CTNNA3: variants seen among roughly 807,000 people sequenced by gnomAD.
CTNNA3 encodes the protein catenin alpha 3.
A neutral mutation model predicts 95.7 loss-of-function variants in CTNNA3; 76 were observed. That is an observed-to-expected ratio of 0.79 (90% CI 0.66 to 0.96). CTNNA3 has a LOEUF of 0.96. Among genes scored for constraint, CTNNA3 ranks in the 40% least tolerant of loss-of-function variants. The probability of loss-of-function intolerance (pLI) is 0.00; values close to 1 mark genes in which losing one functional copy is unlikely to be tolerated. For synonymous variants in CTNNA3, 431 were observed against 374.4 expected, an observed-to-expected ratio of 1.15 and a Z score of -1.74; for missense variants, 1,191 against 1,089.8, an observed-to-expected ratio of 1.09 and a Z score of -1.31.
intron 9 of CTNNA3, among the ~76,000 whole-genome samples, chr10:66,642,173 C>T (rs192481655): frequency 1.7e-4 from 25 of 151,320 alleles, no homozygotes; most frequent in Non-Finnish European, 3.4e-4. Context: ...AGTTAAACTG[C>T]CACAGCCTGA....
chr10:66,989,314 C>T (rs1850909748), intron 7 of CTNNA3, among the ~76,000 whole-genome samples: 1 of 152,090 alleles, frequency 6.6e-6, no homozygotes, highest in African/African-American at 2.4e-5. Context: ...TAATATATGT[C>T]AACTTATTCC....
chr10:67,367,407 A>G (rs762402690), intron 5 of CTNNA3, among the ~76,000 whole-genome samples: 3 of 151,496 alleles, frequency 2.0e-5, no homozygotes, highest in Non-Finnish European at 4.4e-5. Flanking sequence ...TAAAAAGTCA[A>G]AAAAAAAACA....
intron 3 of CTNNA3, among the ~76,000 whole-genome samples, chr10:67,562,651 G>T (rs554209083): frequency 6.6e-6 from 1 of 152,076 alleles, no homozygotes; most frequent in Non-Finnish European, 1.5e-5. Flanking sequence ...CAATCAGGCA[G>T]GAGAAGTAAA....
At chr10:67,065,516 C>A (rs1856021560) in intron 7 of CTNNA3, among the ~76,000 whole-genome samples, 1 of 152,012 alleles carries the variant, frequency 6.6e-6, no homozygotes, top group African/African-American at 2.4e-5. Flanking sequence ...ACATCTGTTC[C>A]ATCTTCTTCC....
intron 13 of CTNNA3, among the ~76,000 whole-genome samples, chr10:66,178,399 G>GTATATATATA (rs71035113): frequency 9.9e-5 from 9 of 91,174 alleles, no homozygotes; most frequent in African/African-American, 1.8e-4. Context: ...CCTTGAAAGT[G>GTATATATATA]TATATATATA....
chr10:66,617,402 C>G (rs1045313040), intron 10 of CTNNA3, among the ~76,000 whole-genome samples: 1 of 151,824 alleles, frequency 6.6e-6, no homozygotes, highest in Admixed American at 6.6e-5. Flanking sequence ...AAGGCTGGTT[C>G]AATATACGCA....
chr10:66,266,104 G>A (rs1443952477), intron 13 of CTNNA3, among the ~76,000 whole-genome samples: 1 of 149,012 alleles, frequency 6.7e-6, no homozygotes, highest in East Asian at 2.0e-4. Flanking sequence ...AGAAAGAGAG[G>A]GAGGAAGGAA....
intron 5 of CTNNA3, among the ~76,000 whole-genome samples, chr10:67,337,284 T>C (rs938455875): frequency 1.2e-4 from 18 of 152,190 alleles, no homozygotes; most frequent in African/African-American, 4.1e-4. Flanking sequence ...AAGACTTCAA[T>C]GGCAGAAGTA....
chr10:67,558,175 G>A (rs1841327260), intron 3 of CTNNA3, among the ~76,000 whole-genome samples: 1 of 152,144 alleles, frequency 6.6e-6, no homozygotes, highest in South Asian at 2.1e-4. Flanking sequence ...CTGAGTCATA[G>A]TCCCAGATGC....
chr10:65,929,620 G>C (rs976166609), intron 17 of CTNNA3, among the ~76,000 whole-genome samples: 1 of 150,300 alleles, frequency 6.7e-6, no homozygotes, highest in Non-Finnish European at 1.5e-5. Context: ...CTAGGCTGGA[G>C]TACAGTGGCG....
At chr10:66,050,206 G>A (rs1161747456) in intron 15 of CTNNA3, among the ~76,000 whole-genome samples, 1 of 151,596 alleles carries the variant, frequency 6.6e-6, no homozygotes, top group Non-Finnish European at 1.5e-5. Context: ...ATATTCTCCT[G>A]AACCCTAGCT....
chr10:67,742,561 A>T (rs941354956), intron 1 of CTNNA3, among the ~76,000 whole-genome samples: 36 of 151,222 alleles, frequency 2.4e-4, no homozygotes, highest in African/African-American at 8.5e-4. Context: ...AAAGATCTAA[A>T]ATTGACACCC....
chr10:66,925,794 G>A (rs996914343), intron 7 of CTNNA3: 1 of 318,216 alleles, frequency 3.1e-6, no homozygotes, highest in African/African-American at 2.2e-5. Context: ...CAATTAAGTG[G>A]ACACAGACAA....
chr10:67,612,739 C>A (rs771089934), intron 2 of CTNNA3, among the ~76,000 whole-genome samples: 11 of 152,266 alleles, frequency 7.2e-5, no homozygotes, highest in Admixed American at 2.6e-4. Flanking sequence ...GTGGCTAACA[C>A]CTCTAACCTG....
intron 11 of CTNNA3, among the ~76,000 whole-genome samples, chr10:66,447,250 C>G (rs116306002): frequency 0.12 from 17,736 of 151,990 alleles, 1,497 homozygotes; most frequent in African/African-American, 0.24. Context: ...GCCATACTGG[C>G]CAGGTAATTT....
intron 7 of CTNNA3, among the ~76,000 whole-genome samples, chr10:66,859,036 T>C (rs1843797191): frequency 6.6e-6 from 1 of 152,074 alleles, no homozygotes; most frequent in Admixed American, 6.6e-5. Flanking sequence ...AATAACATTT[T>C]GTGGGGTGAT....
chr10:67,120,377 T>G (rs989510073), intron 7 of CTNNA3, among the ~76,000 whole-genome samples: 1 of 151,918 alleles, frequency 6.6e-6, no homozygotes, highest in Admixed American at 6.6e-5. Flanking sequence ...TGAAGCAAGA[T>G]ATATATATTG....
At chr10:66,011,796 C>G (rs1224833967) in intron 15 of CTNNA3, among the ~76,000 whole-genome samples, 2 of 152,138 alleles carry the variant, frequency 1.3e-5, no homozygotes, top group Non-Finnish European at 2.9e-5. Context: ...GTAAAAGAGT[C>G]TAGTTTACCA....
At position 66,367,990 on chromosome 10, in the gene CTNNA3, C is replaced by T. The variant is rs554129645; in HGVS notation, c.1732+11162G>A. On this transcript the variant is annotated intron_variant, in intron 12 of 17. Transcript: ENST00000433211. ...TCCATTGCTTTCTGGATCTGCTGGG[C>T]ATCTGCCAACTTGCCATTTTATTCA... Among the ~76,000 whole-genome samples the T allele has an allele frequency of 1.4e-3, 215 of 150,286 alleles. 2 individuals carry two copies. The highest frequency in any genetic ancestry group is 4.8e-3 in the African/African-American group (197 of 41,050).
Sources: allele counts gnomAD v4.1 joint callset (sites outside exome capture counted in the v4.1 genomes callset), GRCh38; gene constraint gnomAD v4.1.1; transcripts MANE v1.5; gene names NCBI Gene and HGNC (gene_info 2026-07-23, HGNC 2026-07-21).